The following ITPR1 variants were observed in gnomAD, a reference collection of about 807,000 sequenced individuals.
ITPR1 encodes inositol 1,4,5-trisphosphate-gated calcium channel ITPR1.
A neutral mutation model predicts 318.4 loss-of-function variants in ITPR1; 96 were observed. The ratio of observed to expected loss-of-function variants is 0.30; its 90% CI spans 0.26 to 0.36. ITPR1 has a LOEUF of 0.36. Among genes scored for constraint, ITPR1 ranks in the 10% least tolerant of loss-of-function variants. The pLI is 1.00. For synonymous variants in ITPR1, 1,312 were observed against 1,289.9 expected (o/e 1.02, Z -0.37); for missense variants, 2,440 against 3,460.2 (o/e 0.71, Z 7.40).
intron 4 of ITPR1, among the ~76,000 whole-genome samples, chr3:4,589,775 A>T (rs80036190): frequency 6.7e-6 from 1 of 149,204 alleles, no homozygotes; most frequent in South Asian, 2.1e-4. Flanking sequence ...AAAAAAAAAA[A>T]TGCAAAACGA....
chr3:4,757,556 A>G lies in ITPR1; in HGVS notation c.5545-8974A>G, dbSNP rs368753649. On this transcript the variant is annotated intron_variant, in intron 44 of 61. Coordinates refer to ENST00000649015, the MANE Select transcript of ITPR1 (RefSeq NM_001378452.1). ...TCAGGGGAGAGGTGTTTAACAGAGC[A>G]TGTGGTTGGGAACAGGGCTGAGGCG... 2.3e-4 allele frequency among the ~76,000 whole-genome samples: 35 copies of G among 152,244 alleles called. No individual in the cohort carries two copies. The East Asian group carries it at 6.0e-3, about 26-fold the overall frequency.
chr3:4,758,596 G>C (rs192268226), intron 44 of ITPR1, among the ~76,000 whole-genome samples: 1 of 152,188 alleles, frequency 6.6e-6, no homozygotes, highest in Non-Finnish European at 1.5e-5. Flanking sequence ...CTAGGTCATG[G>C]AGAAGATTTG....
At chr3:4,598,098 A>G (rs534365675) in intron 4 of ITPR1, among the ~76,000 whole-genome samples, 1 of 152,202 alleles carries the variant, frequency 6.6e-6, no homozygotes, top group Non-Finnish European at 1.5e-5. Context: ...TGCAGGGTCT[A>G]TGGGGCCTTG....
At chr3:4,545,881 G>A (rs1297663330) in intron 4 of ITPR1, among the ~76,000 whole-genome samples, 1 of 151,792 alleles carries the variant, frequency 6.6e-6, no homozygotes, top group Non-Finnish European at 1.5e-5. Context: ...ATTTTTTGTA[G>A]AGACGGGATC....
chr3:4,782,363 A>G (rs1419879901), intron 49 of ITPR1: 30 of 314,180 alleles, frequency 9.5e-5, no homozygotes, highest in Non-Finnish European at 1.0e-4. Context: ...AAAGAAGGAC[A>G]TTAACCAGCC....
intron 36 of ITPR1, among the ~76,000 whole-genome samples, chr3:4,705,515 C>T (rs1414241608): frequency 6.6e-6 from 1 of 152,168 alleles, no homozygotes; most frequent in African/African-American, 2.4e-5. Context: ...TCATGTCTCT[C>T]CAGTCTCTTC....
intron 26 of ITPR1, 153 bp downstream of exon 26, chr3:4,681,571 A>T: frequency 7.1e-5 from 38 of 534,268 alleles, no homozygotes; most frequent in Non-Finnish European, 8.7e-5. Context: ...GTCAGAGTTA[A>T]CTTGGTTGGC....
At chr3:4,685,557 C>T (rs928980582) in intron 30 of ITPR1, among the ~76,000 whole-genome samples, 1 of 152,164 alleles carries the variant, frequency 6.6e-6, no homozygotes, top group African/African-American at 2.4e-5. Flanking sequence ...TGTGACTCAA[C>T]CAATTTAAGT....
chr3:4,675,814 G>A (rs2094173042), intron 23 of ITPR1, among the ~76,000 whole-genome samples: 1 of 152,174 alleles, frequency 6.6e-6, no homozygotes, highest in Non-Finnish European at 1.5e-5. Flanking sequence ...GTCTTCTGCA[G>A]CTAGAACAGA....
intron 59 of ITPR1, 53 bp downstream of exon 59, chr3:4,815,271 G>A (rs562034307): frequency 5.1e-6 from 8 of 1,579,690 alleles, no homozygotes; most frequent in East Asian, 2.2e-5. Context: ...GCGTGGCAGA[G>A]GCATGTGGAT....
At chr3:4,718,672 A>AT in intron 40 of ITPR1, among the ~76,000 whole-genome samples, 1 of 152,262 alleles carries the variant, frequency 6.6e-6, no homozygotes. Flanking sequence ...ATAAGCACAG[A>AT]TTTTTCCTTA....
At chr3:4,673,016 A>G (rs2094118371) in intron 20 of ITPR1, 120 bp from the exon 21 acceptor site, 1 of 1,029,954 alleles carries the variant, frequency 9.7e-7, no homozygotes. Context: ...AGGGGTGTTG[A>G]TGTATGAGTT....
intron 20 of ITPR1, among the ~76,000 whole-genome samples, chr3:4,672,047 T>C (rs1409144036): frequency 6.6e-6 from 1 of 152,230 alleles, no homozygotes; most frequent in African/African-American, 2.4e-5. Flanking sequence ...TGTTGGATGA[T>C]ATTCTGTTTT....
At chr3:4,677,531 G>A (rs1479227294) in intron 24 of ITPR1, among the ~76,000 whole-genome samples, 2 of 152,166 alleles carry the variant, frequency 1.3e-5, no homozygotes, top group East Asian at 1.9e-4. Context: ...GGCAGAGGGA[G>A]CAGCAAACAC....
rs2041279624 is a variant in ITPR1, at chr3:4,710,566, T to C, written c.4991+93T>C. Reference sequence around the variant, plus strand: ...CCGAAGAAGGAGACGTTGTCCTGTTTTTTAACTTTGATGAATGCAAGGTCA... The same window carrying C: ...CCGAAGAAGGAGACGTTGTCCTGTTCTTTAACTTTGATGAATGCAAGGTCA... On this transcript the variant is annotated intron_variant, in intron 38 of 61. Transcript: ENST00000649015. This position sits in a 1 kb window ranked among gnomAD's most constrained non-coding sequence, Gnocchi z 4.2. 3.0e-6 allele frequency: 4 copies of C among 1,331,568 alleles called. No individual in the cohort carries two copies. Among genetic ancestry groups the C allele is most frequent in the Non-Finnish European group, 3.1e-6 (3 of 978,346 alleles). 82.5% of individuals were successfully genotyped at this position (1,331,568 alleles called of 1,614,324 possible).
chr3:4,755,357 G>T (rs11710644), intron 44 of ITPR1, among the ~76,000 whole-genome samples: 1 of 151,206 alleles, frequency 6.6e-6, no homozygotes, highest in East Asian at 1.9e-4. Flanking sequence ...GAGAGCTGTT[G>T]AGCTTTCTGT....
chr3:4,586,138 G>A (rs901193333), intron 4 of ITPR1, among the ~76,000 whole-genome samples: 2 of 152,196 alleles, frequency 1.3e-5, no homozygotes, highest in African/African-American at 2.4e-5. Context: ...TGGTGTATAT[G>A]TGCCACATTT....
At chr3:4,628,523 A>T (rs1365276412) in intron 5 of ITPR1, among the ~76,000 whole-genome samples, 1 of 152,216 alleles carries the variant, frequency 6.6e-6, no homozygotes, top group Non-Finnish European at 1.5e-5. Flanking sequence ...TTCCGAGGCT[A>T]ATCAGGAAGT....
At chr3:4,783,274 T>C (rs141882717) in intron 50 of ITPR1, among the ~76,000 whole-genome samples, 1,857 of 152,276 alleles carry the variant, frequency 0.012, 16 homozygotes, top group Non-Finnish European at 0.019. Flanking sequence ...TCTTTTTGGA[T>C]GCCGACGTGC....
Sources: gnomAD v4.1 joint callset for allele counts (sites outside exome capture counted in the v4.1 genomes callset) on GRCh38, gnomAD v4.1.1 for gene constraint, Gnocchi (gnomAD v3.1) non-coding constraint, MANE v1.5 for transcripts, NCBI Gene and HGNC (gene_info 2026-07-23, HGNC 2026-07-21) for gene names.